Variants in RAMP3 observed in about 807,000 individuals in gnomAD.
The protein encoded by RAMP3 is receptor activity modifying protein 3.
A neutral mutation model predicts 13.5 loss-of-function variants in RAMP3; 14 were observed. The ratio of observed to expected loss-of-function variants is 1.04; its 90% CI spans 0.69 to 1.63. The LOEUF (loss-of-function observed/expected upper bound fraction) is 1.63, where lower values mean the gene tolerates loss of function less well. Ranked by LOEUF, RAMP3 falls within the 40% of genes most tolerant of loss-of-function variation. RAMP3 has a pLI of 0.00. For missense variants in RAMP3, 200 were observed against 204.8 expected, an observed-to-expected ratio of 0.98 and a Z score of 0.14; for synonymous variants, 106 against 88.3, an observed-to-expected ratio of 1.20 and a Z score of -1.12.
At chr7:45,170,849 A>G (rs959565390) in intron 1 of RAMP3, among the ~76,000 whole-genome samples, 4 of 152,010 alleles carry the variant, frequency 2.6e-5, no homozygotes, top group Admixed American at 6.6e-5. Flanking sequence ...AGGTTTCACA[A>G]TGGTGCCCAG....
chr7:45,183,278 A>G lies in RAMP3; in HGVS notation c.313A>G (p.Thr105Ala). Residue 105 changes from threonine to alanine, a missense_variant, in exon 3 of 3, where the codon ACC becomes GCC. Coordinates refer to ENST00000242249, the MANE Select transcript of RAMP3 (RefSeq NM_005856.3). ...CCACAGGCAGTTCTTCTCCAACTGC[A>G]CCGTGGACAGGGTCCACTTGGAGGA... ...GIHRQFFSNCTVDRVHLEDPP... is the reference protein window; with the variant it reads ...GIHRQFFSNCAVDRVHLEDPP... 6.2e-7 allele frequency: 1 copy of G among 1,614,046 alleles called. No individual in the cohort carries two copies. The highest frequency in any genetic ancestry group is 8.5e-7 in the Non-Finnish European group (1 of 1,180,038).
At chr7:45,172,322 G>T (rs1474162865) in intron 1 of RAMP3, among the ~76,000 whole-genome samples, 1 of 152,252 alleles carries the variant, frequency 6.6e-6, no homozygotes, top group African/African-American at 2.4e-5. Context: ...GAGGTAGGGT[G>T]TGGAGTGGGA....
chr7:45,171,763 C>T (rs571749418), intron 1 of RAMP3, among the ~76,000 whole-genome samples: 34 of 152,260 alleles, frequency 2.2e-4, no homozygotes, highest in African/African-American at 7.5e-4. Flanking sequence ...TGGGATGCCA[C>T]GCCTGCCTCC....
intron 1 of RAMP3, among the ~76,000 whole-genome samples, chr7:45,169,083 C>T (rs927088681): frequency 3.3e-5 from 5 of 152,166 alleles, no homozygotes; most frequent in African/African-American, 7.2e-5. Flanking sequence ...CATGAATTGA[C>T]GTTCTTATGT....
Position 45,161,257 on chromosome 7 carries a change from A to G in RAMP3, c.58+3371A>G, listed in dbSNP as rs879712251. 5.4e-5 allele frequency among the ~76,000 whole-genome samples: 8 copies of G among 147,974 alleles called. No individual in the cohort carries two copies. In the Admixed American group the frequency reaches 5.5e-4, roughly 10 times the overall value. On this transcript the variant is annotated intron_variant, in intron 1 of 2. Transcript: ENST00000242249. ...CCTTCTCTTTTTAGATAGCTGTGCG[A>G]CCTGGGTGGGTATTTGTAGAGCCGT...
chr7:45,177,314 T>C lies in RAMP3; in HGVS notation c.64T>C (p.Cys22Arg), dbSNP rs1252689085. Reference protein sequence around the residue: ...LPLLLLLCGGCPRAGGCNETG... With the variant: ...LPLLLLLCGGRPRAGGCNETG... ...TATGGCTGTCCCCTCTCCAGGTGGGTGTCCCAGAGCAGGCGGCTGCAACGA... is the reference window on the plus strand; with the variant it reads ...TATGGCTGTCCCCTCTCCAGGTGGGCGTCCCAGAGCAGGCGGCTGCAACGA... The change falls in exon 2 of 3, where the codon TGT (cysteine) becomes CGT (arginine). Residue 22 changes from cysteine (C) to arginine (R), a missense_variant. By Grantham distance (180) the Cys-to-Arg change is radical. Transcript: ENST00000242249. 1.5e-5 allele frequency: 24 copies of C among 1,613,902 alleles called. No homozygotes were observed. The highest frequency in any genetic ancestry group is 1.6e-4 in the Middle Eastern group (1 of 6,078).
intron 1 of RAMP3, among the ~76,000 whole-genome samples, chr7:45,161,785 A>C (rs1785871542): frequency 6.6e-6 from 1 of 151,934 alleles, no homozygotes; most frequent in Admixed American, 6.6e-5. Context: ...CAAGTGGTCC[A>C]GGTCTAGGGG....
In RAMP3 at chr7:45,172,419, G is replaced by T. The variant is rs1051658342; in HGVS notation, c.59-4890G>T. On this transcript the variant is annotated intron_variant, in intron 1 of 2. Coordinates refer to ENST00000242249, the MANE Select transcript of RAMP3 (RefSeq NM_005856.3). ...TTGAATAACCTTCTTCATTTGATGT[G>T]TGCCCTTAGGATGAGCTTCTCATAC... Among the ~76,000 whole-genome samples, 5 of 152,168 alleles carry T rather than the reference G, an allele frequency of 3.3e-5. No individual in the cohort carries two copies. The East Asian group carries it at 7.7e-4, about 23-fold the overall frequency.
intron 1 of RAMP3, among the ~76,000 whole-genome samples, chr7:45,165,583 A>G (rs939783782): frequency 6.6e-6 from 1 of 152,248 alleles, no homozygotes; most frequent in Non-Finnish European, 1.5e-5. Flanking sequence ...TAAAGTATAC[A>G]TCAATATTTT....
At chr7:45,168,680 T>A (rs192500398) in intron 1 of RAMP3, among the ~76,000 whole-genome samples, 23 of 152,300 alleles carry the variant, frequency 1.5e-4, no homozygotes, top group Non-Finnish European at 1.0e-4. Context: ...TGTATGTTGA[T>A]TCTTTCAGAT....
intron 1 of RAMP3, chr7:45,163,071 G>A (rs1417331579): frequency 3.1e-5 from 24 of 770,978 alleles, no homozygotes; most frequent in Non-Finnish European, 3.5e-5. Context: ...CTCAGTCTCA[G>A]CCTTGACCCC....
chr7:45,163,057 A>G (rs950621681), intron 1 of RAMP3: 6 of 631,400 alleles, frequency 9.5e-6, no homozygotes, highest in African/African-American at 2.0e-5. Flanking sequence ...ATTGCTTTCC[A>G]TCTCTCAGTC....
chr7:45,168,406 CAAAAAAAA>C (rs71030854), intron 1 of RAMP3, among the ~76,000 whole-genome samples: 1 of 70,384 alleles, frequency 1.4e-5, no homozygotes, highest in African/African-American at 6.4e-5. Context: ...ACTCTGTTTC[CAAAAAAAA>C]AAAAAAAAAA....
intron 1 of RAMP3, among the ~76,000 whole-genome samples, chr7:45,172,427 A>G (rs1786101141): frequency 6.6e-6 from 1 of 152,228 alleles, no homozygotes; most frequent in African/African-American, 2.4e-5. Context: ...GTGTGCCCTT[A>G]GGATGAGCTT....
intron 1 of RAMP3, among the ~76,000 whole-genome samples, chr7:45,159,922 G>A (rs892028081): frequency 6.6e-6 from 1 of 152,178 alleles, no homozygotes; most frequent in Non-Finnish European, 1.5e-5. Context: ...TGGTACCATC[G>A]TTTTTATCAT....
At chr7:45,175,362 C>T (rs1786159820) in intron 1 of RAMP3, among the ~76,000 whole-genome samples, 2 of 152,198 alleles carry the variant, frequency 1.3e-5, no homozygotes, top group East Asian at 1.9e-4. Context: ...AGCCTGTGTG[C>T]TTCCCATCTC....
chr7:45,166,900 C>A (rs1013394888), intron 1 of RAMP3, among the ~76,000 whole-genome samples: 4 of 149,820 alleles, frequency 2.7e-5, no homozygotes, highest in African/African-American at 9.9e-5. Flanking sequence ...CTCAGCCTCC[C>A]GAATAGCTGG....
chr7:45,177,916 G>A (rs1786226657), intron 2 of RAMP3, among the ~76,000 whole-genome samples: 1 of 152,218 alleles, frequency 6.6e-6, no homozygotes. Flanking sequence ...CCAGTTCGGG[G>A]GTTCCCTGGC....
rs937375344 is a variant in RAMP3, at chr7:45,184,084, T to C, written c.*672T>C. On this transcript the variant is annotated 3_prime_UTR_variant, in exon 3 of 3. Coordinates refer to ENST00000242249, the MANE Select transcript of RAMP3 (RefSeq NM_005856.3). ...ATGACCAGAGGCTGGAGTGGGGGTG[T>C]GTTAGAGCCCCTCACCGGGACTTGC... 5.5e-5 allele frequency: 22 copies of C among 400,334 alleles called. No homozygotes were observed. The highest frequency in any genetic ancestry group is 4.3e-4 in the African/African-American group (21 of 48,744). 24.8% of individuals were successfully genotyped at this position (400,334 alleles called of 1,614,324 possible).
Sources: allele counts gnomAD v4.1 joint callset (sites outside exome capture counted in the v4.1 genomes callset), GRCh38; gene constraint gnomAD v4.1.1; transcripts MANE v1.5; gene names NCBI Gene and HGNC (gene_info 2026-07-23, HGNC 2026-07-21).